SMYD3: variants seen among roughly 807,000 people sequenced by gnomAD.
The protein encoded by SMYD3 is SET and MYND domain containing 3.
A neutral mutation model predicts 57.7 loss-of-function variants in SMYD3; 36 were observed. That is an observed-to-expected ratio of 0.62 (90% CI 0.48 to 0.82). The LOEUF (loss-of-function observed/expected upper bound fraction) is 0.82. Among genes scored for constraint, SMYD3 ranks in the 40% least tolerant of loss-of-function variants. The pLI, the probability that SMYD3 is intolerant of heterozygous loss-of-function variation, is 0.00. For missense variants in SMYD3, 515 were observed against 538.8 expected, an observed-to-expected ratio of 0.96 and a Z score of 0.44; for synonymous variants, 211 against 195.0, an observed-to-expected ratio of 1.08 and a Z score of -0.68.
At chr1:246,111,315 T>A (rs897188510) in intron 5 of SMYD3, 1 of 152,102 alleles carries the variant, frequency 6.6e-6, no homozygotes, top group Non-Finnish European at 1.5e-5. Context: ...TTTAATGCCC[T>A]CTTATTTTGA....
At chr1:246,357,291 C>A (rs1172759940) in intron 1 of SMYD3, among the ~76,000 whole-genome samples, 2 of 152,122 alleles carry the variant, frequency 1.3e-5, no homozygotes, top group Non-Finnish European at 2.9e-5. Flanking sequence ...TGCTAAAACT[C>A]ACCAAAACCA....
At chr1:246,453,036 T>G (rs915858591) in intron 1 of SMYD3, among the ~76,000 whole-genome samples, 33 of 152,266 alleles carry the variant, frequency 2.2e-4, no homozygotes, top group African/African-American at 7.2e-4. Flanking sequence ...ATTTTTACAG[T>G]GCTTACTATA....
intron 5 of SMYD3, among the ~76,000 whole-genome samples, chr1:246,212,012 G>A (rs1013102490): frequency 6.6e-6 from 1 of 151,838 alleles, no homozygotes; most frequent in Non-Finnish European, 1.5e-5. Flanking sequence ...ACTTAAGGTG[G>A]ATTATATCTA....
intron 8 of SMYD3, among the ~76,000 whole-genome samples, chr1:245,871,418 T>C (rs1465242689): frequency 5.9e-5 from 9 of 152,158 alleles, no homozygotes; most frequent in African/African-American, 9.7e-5. Context: ...GGCTCTTTCA[T>C]AAAGCGGAAA....
chr1:246,213,219 T>A (rs1336092555), intron 5 of SMYD3, among the ~76,000 whole-genome samples: 1 of 152,196 alleles, frequency 6.6e-6, no homozygotes, highest in East Asian at 1.9e-4. Context: ...TACCTGTGAC[T>A]ATGGATGCTG....
intron 5 of SMYD3, among the ~76,000 whole-genome samples, chr1:245,942,600 C>T (rs951789362): frequency 2.0e-5 from 3 of 152,174 alleles, no homozygotes; most frequent in African/African-American, 7.2e-5. Flanking sequence ...TATTCAGGAT[C>T]TGAACTCAGC....
chr1:245,858,640 G>A lies in SMYD3; in HGVS notation c.932C>T (p.Ala311Val), dbSNP rs1320812485. 9 of 1,614,170 alleles carry A rather than the reference G, an allele frequency of 5.6e-6. No individual in the cohort carries two copies. Among genetic ancestry groups the A allele is most frequent in the Middle Eastern group, 1.7e-4 (1 of 6,060 alleles). ...KWEQVLAMCQ[A>V]IISSNSERLP... ...CCGTTCAGAATTGCTGCTTATGATTGCCTGGCACATGGCCAGAACCTGCTC... is the reference window on the plus strand; with the variant it reads ...CCGTTCAGAATTGCTGCTTATGATTACCTGGCACATGGCCAGAACCTGCTC... The change falls in exon 10 of 12, where the codon GCA becomes GTA. Residue 311 changes from alanine (A) to valine (V), a missense_variant. Transcript: ENST00000490107.
chr1:246,349,698 T>C (rs1289730692), intron 2 of SMYD3, among the ~76,000 whole-genome samples: 1 of 152,200 alleles, frequency 6.6e-6, no homozygotes, highest in African/African-American at 2.4e-5. Flanking sequence ...GGTAAAGTGT[T>C]ATTTGAGAGT....
At chr1:246,020,061 G>T (rs2059445596) in intron 5 of SMYD3, among the ~76,000 whole-genome samples, 1 of 152,172 alleles carries the variant, frequency 6.6e-6, no homozygotes, top group Non-Finnish European at 1.5e-5. Context: ...AGAACCAAGG[G>T]ATTTCACAGC....
intron 5 of SMYD3, chr1:246,052,876 T>A (rs2060086124): frequency 6.6e-6 from 1 of 152,184 alleles, no homozygotes; most frequent in Non-Finnish European, 1.5e-5. Flanking sequence ...CTAGAATAGG[T>A]GTTGCATACA....
At chr1:246,225,755 C>T (rs375513043) in intron 5 of SMYD3, among the ~76,000 whole-genome samples, 7 of 152,312 alleles carry the variant, frequency 4.6e-5, no homozygotes, top group South Asian at 4.1e-4. Flanking sequence ...TTTGTTCAAT[C>T]TCTCCATATT....
intron 5 of SMYD3, among the ~76,000 whole-genome samples, chr1:246,080,348 G>GGCGGGTGAGC (rs1245809600): frequency 1.3e-5 from 2 of 152,022 alleles, no homozygotes; most frequent in African/African-American, 2.4e-5. Flanking sequence ...CGATTCTCAT[G>GGCGGGTGAGC]AGGGCGTGAA....
chr1:245,863,620 C>T (rs2051670358), intron 9 of SMYD3, among the ~76,000 whole-genome samples, 179 bp downstream of exon 9: 1 of 152,134 alleles, frequency 6.6e-6, no homozygotes, highest in African/African-American at 2.4e-5. Context: ...CACGAACTTC[C>T]TTGTCATTAC....
rs538220674 is a variant in SMYD3, at chr1:246,101,064, G to GT, written c.532-171128dup. Among the ~76,000 whole-genome samples the GT allele has an allele frequency of 7.7e-3, 606 of 78,286 alleles. 6 individuals carry two copies. Among genetic ancestry groups the GT allele is most frequent in the Non-Finnish European group, 0.012 (396 of 32,418 alleles). The allele number at this position is 78,286 out of a possible 152,430, so 51.4% of individuals were successfully genotyped here. The stretch of plus-strand genomic sequence containing the variant: ...TCACTAGTAATATGTATTTTTAGGG[G>GT]TTTTTTGTTTTTTTTTTTTTTTTTT... On this transcript the variant is annotated intron_variant, in intron 5 of 11. Transcript: ENST00000490107.
At chr1:245,913,072 T>A (rs1452746166) in intron 8 of SMYD3, among the ~76,000 whole-genome samples, 2 of 152,182 alleles carry the variant, frequency 1.3e-5, no homozygotes, top group African/African-American at 4.8e-5. Context: ...CGTATGTTTA[T>A]TGTGGCACTA....
At chr1:245,844,870 G>A (rs1162060722) in intron 10 of SMYD3, among the ~76,000 whole-genome samples, 3 of 151,844 alleles carry the variant, frequency 2.0e-5, no homozygotes, top group South Asian at 2.1e-4. Flanking sequence ...ACATACACAC[G>A]ACATGGCTAG....
At chr1:246,330,598 T>G in intron 3 of SMYD3, 61 bp from the exon 4 acceptor site, 1 of 1,396,320 alleles carries the variant, frequency 7.2e-7, no homozygotes, top group South Asian at 1.4e-5. Context: ...TATAAACAAA[T>G]AAGTTTGAGT....
chr1:246,045,929 C>T (rs1006032414), intron 5 of SMYD3, among the ~76,000 whole-genome samples: 8 of 152,176 alleles, frequency 5.3e-5, no homozygotes, highest in Non-Finnish European at 1.5e-5. Context: ...AATGAGATAC[C>T]ATCTCACACC....
At chr1:246,334,003 G>A (rs1558407738) in intron 3 of SMYD3, among the ~76,000 whole-genome samples, 3 of 151,988 alleles carry the variant, frequency 2.0e-5, no homozygotes, top group Non-Finnish European at 4.4e-5. Flanking sequence ...TCAGAGAAAT[G>A]CAAATCAAAA....
Sources: gnomAD v4.1 joint callset for allele counts (sites outside exome capture counted in the v4.1 genomes callset) on GRCh38, gnomAD v4.1.1 for gene constraint, MANE v1.5 for transcripts, NCBI Gene and HGNC (gene_info 2026-07-23, HGNC 2026-07-21) for gene names.